AFG2A: variants seen among roughly 807,000 people sequenced by gnomAD.
AFG2A encodes the protein ATPase family gene 2 protein homolog A.
chr4:123,008,257 T>A, the AFG2A span, among the ~76,000 whole-genome samples: 1 of 152,156 alleles, frequency 6.6e-6, no homozygotes, highest in Non-Finnish European at 1.5e-5. Flanking sequence ...GATGCCAGGC[T>A]CTTTTCAGTC....
At chr4:123,043,070 C>G in the AFG2A span, among the ~76,000 whole-genome samples, 2 of 152,044 alleles carry the variant, frequency 1.3e-5, no homozygotes, top group Non-Finnish European at 2.9e-5. Context: ...TGGAGATCTA[C>G]TAGTGACATA....
At chr4:123,193,552 A>G in the AFG2A span, among the ~76,000 whole-genome samples, 1 of 152,252 alleles carries the variant, frequency 6.6e-6, no homozygotes, top group African/African-American at 2.4e-5. Context: ...ATTTAGCACC[A>G]ATAAATAAAT....
chr4:123,264,149 G>A, the AFG2A span, among the ~76,000 whole-genome samples: 5 of 152,182 alleles, frequency 3.3e-5, no homozygotes, highest in African/African-American at 4.8e-5. Flanking sequence ...TCATAAGTGG[G>A]AGCAAAGCTA....
the AFG2A span, among the ~76,000 whole-genome samples, chr4:123,177,795 C>G: frequency 6.6e-6 from 1 of 152,148 alleles, no homozygotes; most frequent in Non-Finnish European, 1.5e-5. Flanking sequence ...TTTCCAGTGC[C>G]CTTTCCAGTG....
At chr4:123,003,305 CGTCAAA>C in the AFG2A span, among the ~76,000 whole-genome samples, 2 of 152,186 alleles carry the variant, frequency 1.3e-5, no homozygotes, top group African/African-American at 4.8e-5. Flanking sequence ...TCTCTCAACT[CGTCAAA>C]GTCATTCTCC....
the AFG2A span, among the ~76,000 whole-genome samples, chr4:123,273,974 CTA>C: frequency 1.3e-5 from 2 of 152,240 alleles, no homozygotes; most frequent in African/African-American, 4.8e-5. Context: ...AAGGACCTGT[CTA>C]TGTTAGAGGC....
chr4:123,118,478 A>C, the AFG2A span, among the ~76,000 whole-genome samples: 3 of 150,870 alleles, frequency 2.0e-5, no homozygotes, highest in Non-Finnish European at 4.4e-5. Flanking sequence ...TTTTTCTCTC[A>C]GTAAATGGGC....
At chr4:123,198,748 C>G in the AFG2A span, among the ~76,000 whole-genome samples, 1 of 152,140 alleles carries the variant, frequency 6.6e-6, no homozygotes, top group Non-Finnish European at 1.5e-5. Flanking sequence ...TTTCCTTGAC[C>G]TGAAATTACC....
chr4:123,111,165 A>T, the AFG2A span, among the ~76,000 whole-genome samples: 1 of 150,742 alleles, frequency 6.6e-6, no homozygotes, highest in Non-Finnish European at 1.5e-5. Flanking sequence ...GCCAACCTGT[A>T]TTTTTTTTTC....
the AFG2A span, among the ~76,000 whole-genome samples, chr4:123,188,461 A>G: frequency 1.3e-5 from 2 of 152,214 alleles, no homozygotes; most frequent in East Asian, 1.9e-4. Flanking sequence ...AACAACCAGA[A>G]TCTTTGACTA....
the AFG2A span, among the ~76,000 whole-genome samples, chr4:122,977,715 C>T: frequency 5.3e-5 from 8 of 152,178 alleles, no homozygotes; most frequent in Non-Finnish European, 8.8e-5. Context: ...CTTGTGCAGC[C>T]TTTAGGAAGA....
the AFG2A span, among the ~76,000 whole-genome samples, chr4:123,036,614 GGGGATT>G: frequency 6.6e-6 from 1 of 152,116 alleles, no homozygotes; most frequent in Non-Finnish European, 1.5e-5. Flanking sequence ...AATAGCAGAA[GGGGATT>G]TCATGGGCAT....
the AFG2A span, among the ~76,000 whole-genome samples, chr4:122,941,893 T>C: frequency 2.6e-5 from 4 of 150,962 alleles, no homozygotes; most frequent in Non-Finnish European, 4.5e-5. Flanking sequence ...GAGATAATCA[T>C]GTGGTTTTTG....
chr4:122,952,195 G>C, the AFG2A span, among the ~76,000 whole-genome samples: 25 of 152,158 alleles, frequency 1.6e-4, no homozygotes, highest in East Asian at 4.6e-3. Context: ...CCCTTTTTCC[G>C]TAGCTGGGAC....
chr4:123,114,735 C>T, the AFG2A span, among the ~76,000 whole-genome samples: 1 of 152,224 alleles, frequency 6.6e-6, no homozygotes, highest in Non-Finnish European at 1.5e-5. Context: ...GGCAGAGCTC[C>T]CGCCAGTCCC....
At chr4:123,025,200 A>G in the AFG2A span, among the ~76,000 whole-genome samples, 1 of 152,188 alleles carries the variant, frequency 6.6e-6, no homozygotes, top group Non-Finnish European at 1.5e-5. Flanking sequence ...GATTGCATTT[A>G]ATCTTTGGAA....
chr4:123,129,744 A>G, the AFG2A span, among the ~76,000 whole-genome samples: 2 of 152,060 alleles, frequency 1.3e-5, no homozygotes, highest in Non-Finnish European at 2.9e-5. Context: ...ATCCACATCC[A>G]TGGCTTCAGT....
the AFG2A span, among the ~76,000 whole-genome samples, chr4:122,983,793 T>A: frequency 6.6e-6 from 1 of 152,136 alleles, no homozygotes; most frequent in South Asian, 2.1e-4. Context: ...CCATAGATGG[T>A]TCACATCACA....
the AFG2A span, chr4:122,938,372 A>C: frequency 9.0e-7 from 1 of 1,109,924 alleles, no homozygotes; most frequent in Non-Finnish European, 1.2e-6. Flanking sequence ...AATATTAGCC[A>C]TAGCAACTAG....
Sources: allele counts gnomAD v4.1 joint callset (sites outside exome capture counted in the v4.1 genomes callset), GRCh38; gene constraint gnomAD v4.1.1; transcripts MANE v1.5; gene names NCBI Gene and HGNC (gene_info 2026-07-23, HGNC 2026-07-21).